Variants in HNF4G observed in about 807,000 individuals in gnomAD.
HNF4G encodes hepatocyte nuclear factor 4-gamma.
HNF4G carries 21 observed loss-of-function variants against 50.9 expected under a neutral mutation model. The observed-to-expected ratio is 0.41, with a 90% CI of 0.29 to 0.59. The LOEUF (loss-of-function observed/expected upper bound fraction) is 0.59. Ranked by LOEUF, HNF4G falls within the 20% of genes least tolerant of loss-of-function variation. The pLI is 0.26. For missense variants in HNF4G, 527 were observed against 559.4 expected, an observed-to-expected ratio of 0.94 and a Z score of 0.58; for synonymous variants, 198 against 185.6, an observed-to-expected ratio of 1.07 and a Z score of -0.54.
At position 75,556,030 on chromosome 8, in the gene HNF4G, A is replaced by T. The variant is rs1160118390; in HGVS notation, c.694A>T (p.Thr232Ser). 1 of 1,587,378 alleles carries T rather than the reference A, an allele frequency of 6.3e-7. No homozygotes were observed. Among genetic ancestry groups the T allele is most frequent in the East Asian group, 2.2e-5 (1 of 44,702 alleles). The stretch of plus-strand genomic sequence containing the variant: ...AGGGGAGCACTTACTGCTTGGAGCT[A>T]CAAAGAGATCCATGATGTATAAAGA... ...HAGEHLLLGA[T>S]KRSMMYKDIL... The change falls in exon 6 of 10, where the codon ACA becomes TCA. Residue 232 changes from threonine to serine, a missense_variant. Transcript: ENST00000396423.
At chr8:75,444,455 A>C (rs1180273454) in intron 1 of HNF4G, among the ~76,000 whole-genome samples, 2 of 140,576 alleles carry the variant, frequency 1.4e-5, no homozygotes, top group African/African-American at 5.4e-5. Context: ...AAATGGACTA[A>C]ATTCTCCAAT....
chr8:75,473,652 C>T (rs1258741092), intron 1 of HNF4G, among the ~76,000 whole-genome samples: 1 of 152,152 alleles, frequency 6.6e-6, no homozygotes, highest in Non-Finnish European at 1.5e-5. Context: ...TGACTGTCTC[C>T]ATCATCCACA....
intron 1 of HNF4G, among the ~76,000 whole-genome samples, chr8:75,449,803 G>A (rs144261471): frequency 1.4e-4 from 22 of 152,092 alleles, no homozygotes; most frequent in Admixed American, 1.1e-3. Flanking sequence ...CACCGCGCCC[G>A]GCCTATCTCA....
intron 5 of HNF4G, among the ~76,000 whole-genome samples, chr8:75,555,383 T>C (rs1024745862): frequency 1.3e-5 from 2 of 152,220 alleles, no homozygotes; most frequent in Admixed American, 1.3e-4. Context: ...CAGCAGGTAA[T>C]TGAGTGTACG....
chr8:75,506,352 C>T (rs1826983636), intron 2 of HNF4G, among the ~76,000 whole-genome samples: 1 of 151,940 alleles, frequency 6.6e-6, no homozygotes, highest in African/African-American at 2.4e-5. Flanking sequence ...TTATTAAATA[C>T]TAGATTTAAT....
At chr8:75,430,105 C>A (rs189251761) in intron 1 of HNF4G, among the ~76,000 whole-genome samples, 1 of 151,014 alleles carries the variant, frequency 6.6e-6, no homozygotes, top group East Asian at 2.0e-4. Context: ...GAGCCGAGTT[C>A]GCACCACTAC....
intron 1 of HNF4G, among the ~76,000 whole-genome samples, chr8:75,441,729 A>G (rs1425766503): frequency 6.6e-6 from 1 of 152,230 alleles, no homozygotes; most frequent in Admixed American, 6.5e-5. Context: ...GATTACAGTT[A>G]AAGTTTCTAA....
At chr8:75,459,639 T>C (rs1347191021) in intron 1 of HNF4G, among the ~76,000 whole-genome samples, 1 of 152,180 alleles carries the variant, frequency 6.6e-6, no homozygotes, top group East Asian at 1.9e-4. Flanking sequence ...TATCCTCATG[T>C]GAAACCCAGG....
intron 1 of HNF4G, among the ~76,000 whole-genome samples, chr8:75,439,943 A>T (rs991249394): frequency 5.3e-5 from 8 of 150,152 alleles, no homozygotes; most frequent in South Asian, 2.1e-4. Flanking sequence ...AGCTCCTTAA[A>T]TTTTTTTTTT....
At chr8:75,523,406 C>G (rs141930848) in intron 2 of HNF4G, among the ~76,000 whole-genome samples, 33 of 152,272 alleles carry the variant, frequency 2.2e-4, no homozygotes, top group African/African-American at 7.9e-4. Flanking sequence ...GCATCTAGGT[C>G]TCATGACTGC....
intron 1 of HNF4G, among the ~76,000 whole-genome samples, chr8:75,434,999 T>C (rs896176391): frequency 1.3e-5 from 2 of 152,200 alleles, no homozygotes; most frequent in Non-Finnish European, 2.9e-5. Context: ...AAGGAACCTA[T>C]AATTTCAGTC....
upstream of HNF4G, among the ~76,000 whole-genome samples, chr8:75,536,894 G>C (rs1196375414): frequency 1.3e-5 from 2 of 151,108 alleles, no homozygotes; most frequent in African/African-American, 4.9e-5. Flanking sequence ...AAAATATTCT[G>C]AATGTAGCTT....
chr8:75,490,743 A>G (rs985219209), intron 2 of HNF4G, among the ~76,000 whole-genome samples: 1 of 152,172 alleles, frequency 6.6e-6, no homozygotes, highest in Admixed American at 6.5e-5. Flanking sequence ...GAATTTTTAA[A>G]ATGTTCATAA....
chr8:75,475,786 A>G (rs1334893259), intron 1 of HNF4G, among the ~76,000 whole-genome samples: 5 of 152,214 alleles, frequency 3.3e-5, no homozygotes, highest in Admixed American at 6.5e-5. Flanking sequence ...TTTTTCATTT[A>G]TAATAAACCA....
intron 2 of HNF4G, among the ~76,000 whole-genome samples, chr8:75,515,464 G>A (rs1805864365): frequency 6.6e-6 from 1 of 151,960 alleles, no homozygotes. Flanking sequence ...TGATTGTTAA[G>A]GCTGAGAAGT....
chr8:75,491,681 G>A (rs543223399), intron 2 of HNF4G, among the ~76,000 whole-genome samples: 3 of 152,196 alleles, frequency 2.0e-5, no homozygotes, highest in African/African-American at 7.2e-5. Flanking sequence ...TCTTCATGTT[G>A]GCCAGGCTGG....
intron 2 of HNF4G, among the ~76,000 whole-genome samples, chr8:75,502,472 AAGAAAAT>A (rs1413603036): frequency 6.6e-6 from 1 of 152,186 alleles, no homozygotes; most frequent in Non-Finnish European, 1.5e-5. Flanking sequence ...ATCAAGTGAC[AAGAAAAT>A]AGCAAACAGC....
chr8:75,509,582 T>C (rs1477838780), intron 2 of HNF4G, among the ~76,000 whole-genome samples: 1 of 152,230 alleles, frequency 6.6e-6, no homozygotes, highest in Non-Finnish European at 1.5e-5. Context: ...CTTCTGTCTC[T>C]CATATACTGC....
At chr8:75,513,029 G>T (rs1336791691) in intron 2 of HNF4G, among the ~76,000 whole-genome samples, 2 of 152,010 alleles carry the variant, frequency 1.3e-5, no homozygotes, top group African/African-American at 2.4e-5. Flanking sequence ...TTAATGAACT[G>T]ATAGAGTTTT....
Sources: gnomAD v4.1 joint callset for allele counts (sites outside exome capture counted in the v4.1 genomes callset) on GRCh38, gnomAD v4.1.1 for gene constraint, MANE v1.5 for transcripts, NCBI Gene and HGNC (gene_info 2026-07-23, HGNC 2026-07-21) for gene names.